The following TMEM117 variants were observed in gnomAD, a reference collection of about 807,000 sequenced individuals.
TMEM117 encodes transmembrane protein 117.
In TMEM117, 27 loss-of-function variants were observed where a neutral mutation model predicts 52.4. The ratio of observed to expected loss-of-function variants is 0.51; its 90% CI spans 0.38 to 0.71. The LOEUF is 0.71. Among genes scored for constraint, TMEM117 ranks in the 30% least tolerant of loss-of-function variants. The probability of loss-of-function intolerance (pLI) is 0.00; values close to 1 mark genes in which losing one functional copy is unlikely to be tolerated. For missense variants in TMEM117, 556 were observed against 630.5 expected (o/e 0.88, Z 1.26); for synonymous variants, 215 against 206.3 (o/e 1.04, Z -0.36).
Position 44,389,053 on chromosome 12 carries a change from G to GAGAA in TMEM117, c.*381_*382insAGAA. On this transcript the variant is annotated 3_prime_UTR_variant, in exon 8 of 8. Transcript: ENST00000266534. ...AACAGTTACCTAACCTATTTCACAT[G>GAGAA]GGCGTTTTGTATACAACTATTTTGA... 1.4e-5 allele frequency: 2 copies of GAGAA among 144,062 alleles called. No individual in the cohort carries two copies. The highest frequency in any genetic ancestry group is 2.2e-4 in the South Asian group (1 of 4,464). The allele number at this position is 144,062 out of a possible 1,614,324, so 8.9% of individuals were successfully genotyped here.
chr12:44,090,837 G>GTTTTTTTTTTTT (rs1565823272), intron 3 of TMEM117, among the ~76,000 whole-genome samples: 2 of 112,426 alleles, frequency 1.8e-5, no homozygotes, highest in African/African-American at 1.1e-4. Context: ...CTGTATTTAT[G>GTTTTTTTTTTTT]TGTTTTTTTT....
chr12:43,891,954 A>G (rs1231455255), intron 2 of TMEM117, among the ~76,000 whole-genome samples: 1 of 152,142 alleles, frequency 6.6e-6, no homozygotes, highest in Middle Eastern at 3.2e-3. Context: ...TACACTGTCA[A>G]TATCTCTCTC....
At chr12:44,153,440 G>A (rs915734270) in intron 4 of TMEM117, among the ~76,000 whole-genome samples, 7 of 151,580 alleles carry the variant, frequency 4.6e-5, no homozygotes, top group African/African-American at 1.7e-4. Context: ...AATTGAATTT[G>A]TTGAATTTTG....
chr12:44,050,099 C>T (rs961806106), intron 3 of TMEM117, among the ~76,000 whole-genome samples: 1 of 152,170 alleles, frequency 6.6e-6, no homozygotes. Flanking sequence ...GGTAGGAGCT[C>T]AACACGTGAG....
intron 3 of TMEM117, among the ~76,000 whole-genome samples, chr12:44,040,528 A>G (rs187639812): frequency 6.6e-6 from 1 of 152,286 alleles, no homozygotes; most frequent in East Asian, 1.9e-4. Flanking sequence ...CATAATTTGA[A>G]TAATTTATAT....
chr12:44,122,048 CTTT>C (rs201865850), intron 3 of TMEM117, among the ~76,000 whole-genome samples: 4 of 138,790 alleles, frequency 2.9e-5, no homozygotes, highest in Admixed American at 7.2e-5. Context: ...CTTTTCTTTT[CTTT>C]TTTTTTTTTT....
intron 2 of TMEM117, among the ~76,000 whole-genome samples, chr12:43,894,564 C>T (rs1309143498): frequency 1.3e-5 from 2 of 151,958 alleles, no homozygotes; most frequent in Non-Finnish European, 2.9e-5. Flanking sequence ...CCTCCACCCT[C>T]CAATAGGCCC....
chr12:44,262,180 A>C (rs561807239), intron 5 of TMEM117, among the ~76,000 whole-genome samples: 1 of 152,332 alleles, frequency 6.6e-6, no homozygotes, highest in Non-Finnish European at 1.5e-5. Flanking sequence ...TATAGTCAAT[A>C]GGCTAAAATT....
At chr12:43,944,553 C>A (rs73100974) in intron 3 of TMEM117, among the ~76,000 whole-genome samples, 1,955 of 151,344 alleles carry the variant, frequency 0.013, 25 homozygotes, top group Non-Finnish European at 0.021. Context: ...AGATTTTGTT[C>A]TTTATCCTTT....
chr12:44,225,403 A>T (rs1291083893), intron 5 of TMEM117, among the ~76,000 whole-genome samples: 1 of 152,180 alleles, frequency 6.6e-6, no homozygotes, highest in Non-Finnish European at 1.5e-5. Flanking sequence ...TAGTGCAGTG[A>T]TACAGTTTCT....
intron 4 of TMEM117, among the ~76,000 whole-genome samples, chr12:44,206,283 C>T (rs1027796536): frequency 6.6e-6 from 1 of 152,152 alleles, no homozygotes; most frequent in Non-Finnish European, 1.5e-5. Flanking sequence ...TTTAGGAATG[C>T]CTTGAGCAGT....
At chr12:44,126,513 T>C (rs761838996) in intron 3 of TMEM117, among the ~76,000 whole-genome samples, 1 of 152,220 alleles carries the variant, frequency 6.6e-6, no homozygotes, top group Non-Finnish European at 1.5e-5. Context: ...TGTATTCATA[T>C]AATGCCTTGA....
intron 6 of TMEM117, among the ~76,000 whole-genome samples, chr12:44,332,581 A>T (rs1158328329): frequency 6.6e-6 from 1 of 152,080 alleles, no homozygotes; most frequent in Non-Finnish European, 1.5e-5. Flanking sequence ...AGTTCTATCA[A>T]TTCTAGAATT....
At chr12:44,086,503 C>T (rs1054839903) in intron 3 of TMEM117, among the ~76,000 whole-genome samples, 1 of 152,302 alleles carries the variant, frequency 6.6e-6, no homozygotes, top group East Asian at 1.9e-4. Flanking sequence ...GCGTGAGCTA[C>T]TGTGTGCGGC....
intron 3 of TMEM117, among the ~76,000 whole-genome samples, chr12:44,105,956 C>G (rs1267653492): frequency 7.9e-5 from 12 of 152,028 alleles, no homozygotes. Flanking sequence ...AATTTCGGTA[C>G]CTTTCTATGA....
chr12:44,065,024 A>G (rs1487762519), intron 3 of TMEM117, among the ~76,000 whole-genome samples: 3 of 152,372 alleles, frequency 2.0e-5, no homozygotes, highest in African/African-American at 7.2e-5. Context: ...TAAAAATACA[A>G]TAGCCCTTTT....
chr12:44,055,192 T>G (rs570484220), intron 3 of TMEM117, among the ~76,000 whole-genome samples: 66 of 152,288 alleles, frequency 4.3e-4, no homozygotes, highest in African/African-American at 1.4e-3. Flanking sequence ...ACCTGTATAA[T>G]TAGCAGGAAG....
chr12:43,885,186 G>A (rs1240590134), intron 2 of TMEM117, among the ~76,000 whole-genome samples: 3 of 152,134 alleles, frequency 2.0e-5, no homozygotes, highest in African/African-American at 7.2e-5. Flanking sequence ...TTGAGAGCAG[G>A]ATGTCCACCT....
At chr12:44,252,926 T>G (rs1168865958) in intron 5 of TMEM117, among the ~76,000 whole-genome samples, 3 of 152,094 alleles carry the variant, frequency 2.0e-5, no homozygotes, top group Non-Finnish European at 4.4e-5. Flanking sequence ...TTAATGGTTG[T>G]GGTTATTAAT....
Sources: gnomAD v4.1 joint callset for allele counts (sites outside exome capture counted in the v4.1 genomes callset) on GRCh38, gnomAD v4.1.1 for gene constraint, MANE v1.5 for transcripts, NCBI Gene and HGNC (gene_info 2026-07-23, HGNC 2026-07-21) for gene names.